Variants in ENTHD1 observed in about 807,000 individuals in gnomAD.
The protein encoded by ENTHD1 is ENTH domain-containing protein 1.
In ENTHD1, 23 loss-of-function variants were observed where a neutral mutation model predicts 39.1. The observed-to-expected ratio is 0.59, with a 90% CI of 0.42 to 0.83. The LOEUF is 0.83. Among genes scored for constraint, ENTHD1 ranks in the 40% least tolerant of loss-of-function variants. The pLI is 0.00. For synonymous variants in ENTHD1, 230 were observed against 258.2 expected (o/e 0.89, Z 1.05); for missense variants, 624 against 705.4 (o/e 0.88, Z 1.31).
intron 3 of ENTHD1, among the ~76,000 whole-genome samples, chr22:39,848,829 TC>T (rs1418827590): frequency 1.3e-5 from 2 of 152,220 alleles, no homozygotes; most frequent in Non-Finnish European, 2.9e-5. Flanking sequence ...AAAAATATAT[TC>T]TAAATTTTCT....
At chr22:39,824,425 G>A (rs1455791047) in intron 4 of ENTHD1, among the ~76,000 whole-genome samples, 1 of 151,876 alleles carries the variant, frequency 6.6e-6, no homozygotes, top group Non-Finnish European at 1.5e-5. Flanking sequence ...TGGCCAGGCT[G>A]GTCTCAAACT....
At chr22:39,845,587 A>G (rs2065980493) in intron 3 of ENTHD1, among the ~76,000 whole-genome samples, 1 of 152,248 alleles carries the variant, frequency 6.6e-6, no homozygotes, top group Admixed American at 6.5e-5. Flanking sequence ...CTCAAGAAAC[A>G]GAAGGAAAAT....
At chr22:39,749,809 G>T (rs564861620) in intron 6 of ENTHD1, among the ~76,000 whole-genome samples, 1 of 152,202 alleles carries the variant, frequency 6.6e-6, no homozygotes, top group South Asian at 2.1e-4. Context: ...CAACCATGCC[G>T]CCTAGGGAGT....
chr22:39,797,099 C>T (rs565570297), intron 5 of ENTHD1, among the ~76,000 whole-genome samples: 1 of 152,314 alleles, frequency 6.6e-6, no homozygotes, highest in Admixed American at 6.5e-5. Flanking sequence ...CAATTAATCC[C>T]TTTATCGTTA....
intron 2 of ENTHD1, among the ~76,000 whole-genome samples, chr22:39,866,908 CT>C (rs888883112): frequency 8.7e-4 from 128 of 147,546 alleles, no homozygotes; most frequent in Admixed American, 8.8e-4. Context: ...AATCTACATA[CT>C]TTTTTTTTTT....
At chr22:39,747,797 TAAAA>T (rs112248034) in intron 6 of ENTHD1, among the ~76,000 whole-genome samples, 2 of 148,010 alleles carry the variant, frequency 1.4e-5, no homozygotes, top group Admixed American at 1.3e-4. Context: ...CCCACTTCAT[TAAAA>T]AAAAAACTTT....
At chr22:39,802,600 T>C (rs2065607649) in intron 5 of ENTHD1, among the ~76,000 whole-genome samples, 1 of 152,226 alleles carries the variant, frequency 6.6e-6, no homozygotes, top group South Asian at 2.1e-4. Context: ...CTAGTTTCTA[T>C]GACCCACCTT....
chr22:39,780,655 A>G (rs1190749954), intron 5 of ENTHD1, among the ~76,000 whole-genome samples: 1 of 152,210 alleles, frequency 6.6e-6, no homozygotes, highest in Non-Finnish European at 1.5e-5. Context: ...CAAAGGGGTC[A>G]ATTCAGCAAG....
intron 5 of ENTHD1, among the ~76,000 whole-genome samples, chr22:39,769,079 T>C (rs111764807): frequency 1.7e-4 from 26 of 152,118 alleles, no homozygotes; most frequent in African/African-American, 6.3e-4. Context: ...TGTACATATA[T>C]ACACACACAA....
At chr22:39,806,012 C>T (rs1440294563) in intron 5 of ENTHD1, among the ~76,000 whole-genome samples, 1 of 152,158 alleles carries the variant, frequency 6.6e-6, no homozygotes, top group African/African-American at 2.4e-5. Flanking sequence ...CTGCTCTCTG[C>T]CCTCTAGCCT....
chr22:39,853,329 G>A (rs1336039040), intron 3 of ENTHD1, among the ~76,000 whole-genome samples: 2 of 151,936 alleles, frequency 1.3e-5, no homozygotes, highest in African/African-American at 2.4e-5. Flanking sequence ...TCAGGAGTTC[G>A]AGACCAGCCT....
At position 39,760,082 on chromosome 22, in the gene ENTHD1, T is replaced by TA. The variant is rs896985268; in HGVS notation, c.1219+5140dup. ...TCATTTTGCACTTGAAAAAGAATGT[T>TA]AAAAAAAAGAAAAATAATGTATTCT... On this transcript the variant is annotated intron_variant, in intron 6 of 6. Coordinates refer to ENST00000325157, the MANE Select transcript of ENTHD1 (RefSeq NM_152512.4). Among the ~76,000 whole-genome samples the TA allele has an allele frequency of 2.0e-5, 3 of 151,952 alleles. No homozygotes were observed. In the East Asian group the frequency reaches 5.8e-4, roughly 29 times the overall value.
rs774359446 is a variant in ENTHD1 at position 39,765,285 on chromosome 22, T to C, written c.1157A>G (p.Tyr386Cys). ...AATGCTGGATTGTGCTGGTTTCTGG[T>C]AGGCCTTGTTGATTACAATCTCCTT... ...RVKEIVINKA[Y>C]QKPAQSSIQM... Residue 386 changes from tyrosine to cysteine, a missense_variant, in exon 6 of 7, where the codon TAC (tyrosine) becomes TGC (cysteine). Transcript: ENST00000325157. 6 of 1,613,624 alleles carry C rather than the reference T, an allele frequency of 3.7e-6. 1 individual carries two copies. The highest frequency in any genetic ancestry group is 5.1e-6 in the Non-Finnish European group (6 of 1,179,948).
At chr22:39,769,591 G>A (rs1031525795) in intron 5 of ENTHD1, among the ~76,000 whole-genome samples, 1 of 152,150 alleles carries the variant, frequency 6.6e-6, no homozygotes, top group Non-Finnish European at 1.5e-5. Context: ...GCTCCGGGGT[G>A]GAGAAGAAGA....
chr22:39,761,719 C>T (rs1466937158), intron 6 of ENTHD1, among the ~76,000 whole-genome samples: 1 of 151,988 alleles, frequency 6.6e-6, no homozygotes, highest in African/African-American at 2.4e-5. Context: ...CTGCTAAGCC[C>T]TTCCAGTAAA....
At chr22:39,758,082 C>T (rs1471157406) in intron 6 of ENTHD1, among the ~76,000 whole-genome samples, 1 of 152,072 alleles carries the variant, frequency 6.6e-6, no homozygotes, top group African/African-American at 2.4e-5. Flanking sequence ...TACAGTTGTC[C>T]AGGTTGGGAC....
intron 6 of ENTHD1, among the ~76,000 whole-genome samples, chr22:39,760,080 GT>G (rs2065219624): frequency 6.6e-6 from 1 of 151,626 alleles, no homozygotes; most frequent in African/African-American, 2.4e-5. Flanking sequence ...GAAAAAGAAT[GT>G]TAAAAAAAAG....
At chr22:39,836,917 C>T (rs534715679) in intron 3 of ENTHD1, among the ~76,000 whole-genome samples, 7 of 152,318 alleles carry the variant, frequency 4.6e-5, no homozygotes, top group Admixed American at 2.6e-4. Context: ...AGCCATGCTT[C>T]CTGTACAGCC....
chr22:39,743,463 CT>C lies in ENTHD1; in HGVS notation c.*215del. The C allele has an allele frequency of 2.0e-6, 1 of 494,402 alleles. No homozygotes were observed. The allele number at this position is 494,402 out of a possible 1,614,324, so 30.6% of individuals were successfully genotyped here. ...TCTTCTGTTTCAAATGAACTAATAT[CT>C]AAATCTGAAATTATCAAAGGTGACA... On this transcript the variant is annotated 3_prime_UTR_variant, in exon 7 of 7. Transcript: ENST00000325157.
Sources: gnomAD v4.1 joint callset for allele counts (sites outside exome capture counted in the v4.1 genomes callset) on GRCh38, gnomAD v4.1.1 for gene constraint, MANE v1.5 for transcripts, NCBI Gene and HGNC (gene_info 2026-07-23, HGNC 2026-07-21) for gene names.